PRTG: variants seen among roughly 807,000 people sequenced by gnomAD.
The protein encoded by PRTG is immunoglobulin superfamily, DCC subclass, member 5.
Under a neutral mutation model 122.5 loss-of-function variants are expected in PRTG, and 67 were observed. The observed-to-expected ratio is 0.55, with a 90% CI of 0.45 to 0.67. The LOEUF (loss-of-function observed/expected upper bound fraction) is 0.67, where lower values mean the gene tolerates loss of function less well. Among genes scored for constraint, PRTG ranks in the 30% least tolerant of loss-of-function variants. The probability of loss-of-function intolerance (pLI) is 0.00; values close to 1 mark genes in which losing one functional copy is unlikely to be tolerated. For synonymous variants in PRTG, 554 were observed against 501.1 expected (o/e 1.11, Z -1.41); for missense variants, 1,435 against 1,415.4 (o/e 1.01, Z -0.22).
At chr15:55,649,555 C>T (rs150611781) in intron 11 of PRTG, among the ~76,000 whole-genome samples, 2 of 152,056 alleles carry the variant, frequency 1.3e-5, no homozygotes, top group East Asian at 3.9e-4. Flanking sequence ...GGGGCCAAGG[C>T]GGGTGGATCA....
chr15:55,679,733 G>A (rs1476167356), intron 6 of PRTG: 13 of 423,258 alleles, frequency 3.1e-5, no homozygotes, highest in Non-Finnish European at 5.0e-5. Context: ...TGCGAATGCA[G>A]TGCAAGTGGC....
chr15:55,693,896 A>C (rs2059618471), intron 2 of PRTG, among the ~76,000 whole-genome samples: 1 of 152,176 alleles, frequency 6.6e-6, no homozygotes, highest in South Asian at 2.1e-4. Context: ...AAGAATGTTA[A>C]ACAAAGGATG....
At chr15:55,656,657 G>A (rs1435562577) in intron 11 of PRTG, among the ~76,000 whole-genome samples, 2 of 152,042 alleles carry the variant, frequency 1.3e-5, no homozygotes, top group African/African-American at 2.4e-5. Context: ...ACAGGCTCCC[G>A]CCACCATGCC....
intron 2 of PRTG, among the ~76,000 whole-genome samples, chr15:55,735,718 TAAAAAA>T (rs35182605): frequency 8.7e-6 from 1 of 114,306 alleles, no homozygotes; most frequent in South Asian, 3.2e-4. Flanking sequence ...CATGCTTTGC[TAAAAAA>T]AAAAAAAAAA....
Position 55,624,121 on chromosome 15 carries a change from T to A in PRTG, c.3093+221A>T, listed in dbSNP as rs527961844. 3.3e-5 allele frequency among the ~76,000 whole-genome samples: 5 copies of A among 152,304 alleles called. No individual in the cohort carries two copies. The East Asian group carries it at 9.6e-4, about 29-fold the overall frequency. ...ATATAATATAAATGAGATTATATTATATGCTATATATTATGGCATCTTTCT... is the reference window on the plus strand; with the variant it reads ...ATATAATATAAATGAGATTATATTAAATGCTATATATTATGGCATCTTTCT... On this transcript the variant is annotated intron_variant, in intron 18 of 19. Transcript: ENST00000389286.
At chr15:55,697,848 GTTA>G (rs200152669) in intron 2 of PRTG, among the ~76,000 whole-genome samples, 1 of 152,122 alleles carries the variant, frequency 6.6e-6, no homozygotes, top group East Asian at 1.9e-4. Flanking sequence ...ACTTAAAAGG[GTTA>G]TTATGGATAA....
chr15:55,677,734 TA>T, intron 8 of PRTG, 62 bp downstream of exon 8: 1 of 1,508,972 alleles, frequency 6.6e-7, no homozygotes, highest in East Asian at 2.3e-5. Context: ...GCATTATTCG[TA>T]CTGAAAACAA....
At chr15:55,674,754 T>C (rs1476906876) in intron 9 of PRTG, among the ~76,000 whole-genome samples, 1 of 152,136 alleles carries the variant, frequency 6.6e-6, no homozygotes, top group Non-Finnish European at 1.5e-5. Context: ...GAGCAGATCA[T>C]TGCTTGAGGA....
chr15:55,651,862 C>G (rs984533787), intron 11 of PRTG, among the ~76,000 whole-genome samples: 1 of 152,142 alleles, frequency 6.6e-6, no homozygotes, highest in African/African-American at 2.4e-5. Flanking sequence ...ACCTCCAACA[C>G]TATTTCTAAA....
chr15:55,671,002 G>T (rs1308105812), intron 11 of PRTG, among the ~76,000 whole-genome samples: 1 of 152,002 alleles, frequency 6.6e-6, no homozygotes, highest in African/African-American at 2.4e-5. Flanking sequence ...GTGTGACAGA[G>T]ATCAATAGTG....
At chr15:55,733,423 T>C (rs1430584330) in intron 2 of PRTG, among the ~76,000 whole-genome samples, 2 of 150,556 alleles carry the variant, frequency 1.3e-5, no homozygotes, top group African/African-American at 2.5e-5. Context: ...GGCATGAAAA[T>C]TGCTTGAAAC....
At chr15:55,689,778 A>T (rs1190244596) in intron 2 of PRTG, among the ~76,000 whole-genome samples, 2 of 152,118 alleles carry the variant, frequency 1.3e-5, no homozygotes, top group African/African-American at 4.8e-5. Context: ...ATACAAAAAA[A>T]TTAGCCAGGC....
At chr15:55,709,145 CAAAAAAAAAAAA>C (rs3985769) in intron 2 of PRTG, among the ~76,000 whole-genome samples, 11 of 51,846 alleles carry the variant, frequency 2.1e-4, no homozygotes, top group Admixed American at 1.0e-3. Flanking sequence ...GACTCTGTCT[CAAAAAAAAAAAA>C]AAAAAAAAAA....
chr15:55,706,914 G>A (rs1267216967), intron 2 of PRTG, among the ~76,000 whole-genome samples: 1 of 152,264 alleles, frequency 6.6e-6, no homozygotes, highest in South Asian at 2.1e-4. Context: ...GCCATCCTTG[G>A]ACCAATCTTA....
At chr15:55,635,051 G>A (rs9806759) in intron 15 of PRTG, among the ~76,000 whole-genome samples, 2,181 of 117,774 alleles carry the variant, frequency 0.019, 61 homozygotes, top group African/African-American at 0.053. Flanking sequence ...TCCTGACTGG[G>A]GAGCCCTCTG....
intron 11 of PRTG, among the ~76,000 whole-genome samples, chr15:55,665,105 C>A (rs1240020227): frequency 6.6e-6 from 1 of 151,630 alleles, no homozygotes; most frequent in Non-Finnish European, 1.5e-5. Context: ...AAAAAAAATA[C>A]AAAAAATTAG....
At chr15:55,720,213 T>C (rs541704662) in intron 2 of PRTG, among the ~76,000 whole-genome samples, 8 of 152,030 alleles carry the variant, frequency 5.3e-5, no homozygotes, top group African/African-American at 1.9e-4. Context: ...ACCTCGTCTC[T>C]ACTAAAAATA....
chr15:55,689,950 A>G (rs189365719), intron 2 of PRTG, among the ~76,000 whole-genome samples: 110 of 152,202 alleles, frequency 7.2e-4, no homozygotes, highest in African/African-American at 2.4e-3. Context: ...AAGAGTAGTT[A>G]GGCATCAATT....
At chr15:55,638,930 T>C (rs145949885) in intron 13 of PRTG, among the ~76,000 whole-genome samples, 137 of 151,798 alleles carry the variant, frequency 9.0e-4, no homozygotes, top group Middle Eastern at 3.4e-3. Flanking sequence ...TACAAAGGGA[T>C]TTCCTCTGAA....
Sources: allele counts gnomAD v4.1 joint callset (sites outside exome capture counted in the v4.1 genomes callset), GRCh38; gene constraint gnomAD v4.1.1; transcripts MANE v1.5; gene names NCBI Gene and HGNC (gene_info 2026-07-23, HGNC 2026-07-21).